The following BSCL2 variants were observed in gnomAD, a reference collection of about 807,000 sequenced individuals.
The protein encoded by BSCL2 is seipin.
A neutral mutation model predicts 57.4 loss-of-function variants in BSCL2; 41 were observed. The observed-to-expected ratio is 0.71, with a 90% CI of 0.56 to 0.93. BSCL2 has a LOEUF of 0.93. Among genes scored for constraint, BSCL2 ranks in the 40% least tolerant of loss-of-function variants. The probability of loss-of-function intolerance (pLI) is 0.00; values close to 1 mark genes in which losing one functional copy is unlikely to be tolerated. For missense variants in BSCL2, 539 were observed against 586.7 expected, an observed-to-expected ratio of 0.92 and a Z score of 0.84; for synonymous variants, 237 against 227.3, an observed-to-expected ratio of 1.04 and a Z score of -0.38.
chr11:62,707,543 CCA>C, upstream of BSCL2: 1 of 602,648 alleles, frequency 1.7e-6, no homozygotes. Context: ...GGTCTCTAGC[CCA>C]GAGTCAGGAT....
Position 62,694,413 on chromosome 11 carries a change from C to T in BSCL2, c.630+155G>A, listed in dbSNP as rs1018384738. 3.6e-6 allele frequency: 4 copies of T among 1,117,376 alleles called. No homozygotes were observed. The African/African-American group carries it at 6.2e-5, about 17-fold the overall frequency. 69.2% of individuals were successfully genotyped at this position (1,117,376 alleles called of 1,614,324 possible). The stretch of plus-strand genomic sequence containing the variant: ...TAGAGATGGGTTTCGCCATGTTGCC[C>T]AGGCCAGTCTTGAACTCCTGGGCTC... On this transcript the variant is annotated intron_variant, in intron 4 of 10. Transcript: ENST00000360796.
At chr11:62,699,964 G>T (rs1945591213) in intron 3 of BSCL2, among the ~76,000 whole-genome samples, 1 of 151,678 alleles carries the variant, frequency 6.6e-6, no homozygotes, top group Non-Finnish European at 1.5e-5. Flanking sequence ...TTACAGGCGT[G>T]AGCCACCACA....
intron 3 of BSCL2, among the ~76,000 whole-genome samples, chr11:62,700,054 A>G (rs546105020): frequency 8.7e-5 from 13 of 149,798 alleles, no homozygotes; most frequent in African/African-American, 3.2e-4. Context: ...AGCCTAGGCA[A>G]CATAGTAAGA....
chr11:62,695,229 C>G (rs1945421763), intron 3 of BSCL2, among the ~76,000 whole-genome samples: 1 of 152,186 alleles, frequency 6.6e-6, no homozygotes, highest in Non-Finnish European at 1.5e-5. Flanking sequence ...GGCTTCTTCA[C>G]AGGGATCACC....
chr11:62,691,466 G>A (rs202236844), intron 6 of BSCL2, 45 bp from the exon 7 acceptor site: 2 of 1,603,818 alleles, frequency 1.2e-6, no homozygotes, highest in African/African-American at 1.3e-5. Context: ...AGTTACCAGA[G>A]AGCACCAGCC....
chr11:62,690,572 C>T (rs370410858), intron 10 of BSCL2, 40 bp downstream of exon 10: 37 of 1,613,870 alleles, frequency 2.3e-5, no homozygotes, highest in South Asian at 7.7e-5. Flanking sequence ...TTAGATTAAC[C>T]GGGGGCCCCA....
At chr11:62,708,890 G>A (rs1315500322), upstream of BSCL2, 3 of 1,045,180 alleles carry the variant, frequency 2.9e-6, no homozygotes, top group Non-Finnish European at 4.4e-6. Flanking sequence ...AGCCCCTTAG[G>A]CTCCTTGCAT....
chr11:62,691,467 A>C (rs758243251), intron 6 of BSCL2, 46 bp from the exon 7 acceptor site: 3 of 1,602,196 alleles, frequency 1.9e-6, no homozygotes, highest in South Asian at 2.2e-5. Flanking sequence ...GTTACCAGAG[A>C]GCACCAGCCT....
chr11:62,705,501 G>C lies in BSCL2; in HGVS notation c.204C>G (p.Asp68Glu). The C allele has an allele frequency of 1.2e-6, 2 of 1,614,116 alleles. No individual in the cohort carries two copies. The highest frequency in any genetic ancestry group is 2.2e-5 in the South Asian group (2 of 91,086). ...RHPALPAMVN[D>E]PPVPALLWAQ... The stretch of plus-strand genomic sequence containing the variant: ...CCCACAGTAAGGCAGGTACTGGAGG[G>C]TCGTTGACCATGGCCGGGAGAGCAG... The change falls in exon 2 of 11, where the codon GAC (aspartate) becomes GAG (glutamate). Residue 68 changes from aspartate to glutamate, a missense_variant. Physicochemically the swap from Asp to Glu is conservative, Grantham distance 45 (BLOSUM62 2). Transcript: ENST00000360796.
chr11:62,697,605 G>T (rs190493833), intron 3 of BSCL2: 1 of 151,318 alleles, frequency 6.6e-6, no homozygotes, highest in Non-Finnish European at 1.5e-5. Context: ...GGTCAACGTG[G>T]TGAAACCCCG....
At chr11:62,692,641 A>G (rs1945343930) in intron 5 of BSCL2, 22 bp downstream of exon 5, 1 of 1,613,864 alleles carries the variant, frequency 6.2e-7, no homozygotes, top group Non-Finnish European at 8.5e-7. Flanking sequence ...TCCTAGTCAT[A>G]AAGCTCGTTC....
At chr11:62,700,211 A>G (rs914784617) in intron 3 of BSCL2, among the ~76,000 whole-genome samples, 2 of 151,798 alleles carry the variant, frequency 1.3e-5, no homozygotes, top group African/African-American at 4.8e-5. Context: ...ACTGCACTCC[A>G]GGCTAGGTGG....
rs541886188 is a variant in BSCL2, at chr11:62,706,111, A to G, written c.88-494T>C. 5 of 634,516 alleles carry G rather than the reference A, an allele frequency of 7.9e-6. No homozygotes were observed. The African/African-American group carries it at 1.0e-4, about 13-fold the overall frequency. The allele number at this position is 634,516 out of a possible 1,614,324, so 39.3% of individuals were successfully genotyped here. The stretch of plus-strand genomic sequence containing the variant: ...AGAGCTCGCTCACCGACACGGCTAC[A>G]CCCCACGCCCGGCGGAGCGCCCTGC... On this transcript the variant is annotated intron_variant, in intron 1 of 10. Coordinates refer to ENST00000360796, the MANE Select transcript of BSCL2 (RefSeq NM_001122955.4).
chr11:62,709,280 A>G (rs2083593539), upstream of BSCL2: 1 of 454,162 alleles, frequency 2.2e-6, no homozygotes, highest in African/African-American at 2.0e-5. Context: ...AAAAGGGCCA[A>G]TCAATGCAGG....
Position 62,705,546 on chromosome 11 carries a change from A to G in BSCL2, c.159T>C (p.Pro53=), listed in dbSNP as rs1331805054. ...PGGRAARNAR[P]EPGARHPALP... is the part of the protein sequence containing the mutation. ...GAGCAGGGTGTCTGGCCCCAGGTTCAGGCCTTGCGTTCCTAGCTGCTCTGC... is the reference window on the plus strand; with the variant it reads ...GAGCAGGGTGTCTGGCCCCAGGTTCGGGCCTTGCGTTCCTAGCTGCTCTGC... The change falls in exon 2 of 11, where the codon CCT becomes CCC. Residue 53 remains proline (P), a synonymous_variant. Transcript: ENST00000360796. 1 of 1,608,786 alleles carries G rather than the reference A, an allele frequency of 6.2e-7. No individual in the cohort carries two copies. The highest frequency in any genetic ancestry group is 8.5e-7 in the Non-Finnish European group (1 of 1,176,286).
chr11:62,696,572 T>C (rs1218901318), intron 3 of BSCL2, among the ~76,000 whole-genome samples: 1 of 152,020 alleles, frequency 6.6e-6, no homozygotes, highest in Non-Finnish European at 1.5e-5. Flanking sequence ...CTTTTCTTTT[T>C]TGAGACAGGA....
intron 2 of BSCL2, among the ~76,000 whole-genome samples, chr11:62,702,887 A>T (rs1945686551): frequency 6.6e-6 from 1 of 152,090 alleles, no homozygotes; most frequent in South Asian, 2.1e-4. Flanking sequence ...GCAGCGGCTC[A>T]CGCCTGTAAT....
intron 2 of BSCL2, 146 bp from the exon 3 acceptor site, chr11:62,702,695 A>C: frequency 1.5e-6 from 1 of 679,284 alleles, no homozygotes; most frequent in East Asian, 3.0e-5. Flanking sequence ...TGGAGAACAA[A>C]TGTGGCCAGG....
Position 62,691,140 on chromosome 11 carries a change from AC to A in BSCL2, c.1006del (p.Val336LeufsTer64). 1 of 1,614,214 alleles carries A rather than the reference AC, an allele frequency of 6.2e-7. No homozygotes were observed. Among genetic ancestry groups the A allele is most frequent in the Non-Finnish European group, 8.5e-7 (1 of 1,180,044 alleles). On this transcript the variant is annotated frameshift_variant and splice_region_variant, in exon 8 of 11. Transcript: ENST00000360796. LOFTEE classifies it high-confidence loss of function. ...IWPRHRFSLQ[V>X]NIRKRDNSRK... Reference sequence around the variant, plus strand: ...GGAATTGTCTCTTTTTCGGATGTTAACCTGTGGAGGAAAAACTACTGAGCAG... The same window carrying A: ...GGAATTGTCTCTTTTTCGGATGTTAACTGTGGAGGAAAAACTACTGAGCAG...
Sources: allele counts gnomAD v4.1 joint callset (sites outside exome capture counted in the v4.1 genomes callset), GRCh38; gene constraint gnomAD v4.1.1; transcripts MANE v1.5; gene names NCBI Gene and HGNC (gene_info 2026-07-23, HGNC 2026-07-21).